Variants in ZNF724 observed in about 807,000 individuals in gnomAD.
ZNF724 encodes zinc finger protein 724.
Under a neutral mutation model 29.3 loss-of-function variants are expected in ZNF724, and 14 were observed. The ratio of observed to expected loss-of-function variants is 0.48; its 90% CI spans 0.32 to 0.75. The LOEUF (loss-of-function observed/expected upper bound fraction) is 0.75. Among genes scored for constraint, ZNF724 ranks in the 30% least tolerant of loss-of-function variants. ZNF724 has a pLI of 0.04. For synonymous variants in ZNF724, 180 were observed against 193.6 expected (o/e 0.93, Z 0.58); for missense variants, 557 against 571.2 (o/e 0.98, Z 0.25).
At chr19:23,231,115 T>A in intron 3 of ZNF724, 151 bp downstream of exon 3, 1 of 559,902 alleles carries the variant, frequency 1.8e-6, no homozygotes, top group South Asian at 3.0e-5. Context: ...ACACCCGACC[T>A]TAGGTCATCT....
At chr19:23,246,876 C>A (rs1972246322) in intron 1 of ZNF724, among the ~76,000 whole-genome samples, 1 of 152,112 alleles carries the variant, frequency 6.6e-6, no homozygotes. Flanking sequence ...TCCTTGATAG[C>A]TCTCTAAAAG....
chr19:23,232,256 G>A lies in ZNF724; in HGVS notation c.41C>T (p.Ser14Phe). Residue 14 changes from serine to phenylalanine, a missense_variant, in exon 2 of 4, where the codon TCT becomes TTT. Ser to Phe is a radical substitution (Grantham distance 155). Transcript: ENST00000418100. ...GTCCAGGCATTGCCACTCCTCCACA[G>A]AGAATTCTATGGCCACATCCATAAA... ...LTFMDVAIEFSVEEWQCLDTA... is the reference protein window; with the variant it reads ...LTFMDVAIEFFVEEWQCLDTA... The A allele has an allele frequency of 7.8e-7, 1 of 1,278,138 alleles. No individual in the cohort carries two copies. Among genetic ancestry groups the A allele is most frequent in the Non-Finnish European group, 1.1e-6 (1 of 874,122 alleles). The allele number at this position is 1,278,138 out of a possible 1,614,324, so 79.2% of individuals were successfully genotyped here.
chr19:23,233,591 G>A (rs1971975493), intron 1 of ZNF724, among the ~76,000 whole-genome samples: 1 of 151,776 alleles, frequency 6.6e-6, no homozygotes, highest in Admixed American at 6.6e-5. Flanking sequence ...CATATAAAAA[G>A]CCAAAATGTA....
At chr19:23,230,301 CAA>C (rs1197842383) in intron 3 of ZNF724, among the ~76,000 whole-genome samples, 2 of 151,830 alleles carry the variant, frequency 1.3e-5, no homozygotes, top group African/African-American at 2.4e-5. Flanking sequence ...CCATATTATC[CAA>C]AGTGATCTAC....
In ZNF724 at chr19:23,222,051, T is replaced by A. The variant is rs1971724929; in HGVS notation, c.*334A>T. On this transcript the variant is annotated 3_prime_UTR_variant, in exon 4 of 4. Transcript: ENST00000418100. ...AGATATTAATGGCTTCTTCACATTC[T>A]TTACATTTGCATAATTTTTCTCAAG... 8.0e-6 allele frequency: 2 copies of A among 248,624 alleles called. No individual in the cohort carries two copies. The highest frequency in any genetic ancestry group is 4.5e-5 in the African/African-American group (2 of 44,466). 15.4% of individuals were successfully genotyped at this position (248,624 alleles called of 1,614,324 possible). A position where few individuals can be genotyped will look rare whatever the true frequency, so the allele number is the denominator to read the frequency against.
intron 1 of ZNF724, among the ~76,000 whole-genome samples, chr19:23,242,991 A>G (rs1447136578): frequency 6.8e-6 from 1 of 147,656 alleles, no homozygotes; most frequent in Non-Finnish European, 1.5e-5. Flanking sequence ...GTGAGCCAAG[A>G]TCGTGCCATT....
rs577883412 is a variant in ZNF724 at position 23,223,348 on chromosome 19, T to G, written c.897A>C (p.Arg299Ser). The change falls in exon 4 of 4, where the codon AGA becomes AGC. Residue 299 changes from arginine (R) to serine (S), a missense_variant. By Grantham distance (110) the Arg-to-Ser change is moderately radical. This residue lies in a region of ZNF724 where 362 missense variants were observed against 295.5 expected (regional missense o/e 1.22). Coordinates refer to ENST00000418100, the MANE Select transcript of ZNF724 (RefSeq NM_001355404.2). ...TCTCTCCAGCATGAATTATCTTATG[T>G]CTAGTAAGGGTTGATGATTGGTTAA... ...KAFNQSSTLT[R>S]HKIIHAGEKP... 1.3e-6 allele frequency: 1 copy of G among 769,452 alleles called. No homozygotes were observed. The highest frequency in any genetic ancestry group is 2.4e-6 in the Non-Finnish European group (1 of 413,498). The allele number at this position is 769,452 out of a possible 1,614,324, so 47.7% of individuals were successfully genotyped here.
chr19:23,231,984 G>A (rs546674098), intron 2 of ZNF724, among the ~76,000 whole-genome samples, 183 bp downstream of exon 2: 5 of 152,026 alleles, frequency 3.3e-5, no homozygotes, highest in East Asian at 3.9e-4. Context: ...TGATCCACCC[G>A]CCTTGGCCAC....
intron 3 of ZNF724, among the ~76,000 whole-genome samples, chr19:23,224,762 C>G (rs1457668200): frequency 1.3e-5 from 2 of 152,050 alleles, no homozygotes. Flanking sequence ...TGGAACCACC[C>G]CGGCCAATAT....
chr19:23,246,216 G>A (rs1180430227), intron 1 of ZNF724, among the ~76,000 whole-genome samples: 1 of 152,122 alleles, frequency 6.6e-6, no homozygotes, highest in Non-Finnish European at 1.5e-5. Flanking sequence ...AATTTAAGGT[G>A]CTTAAGTTTT....
At chr19:23,244,397 T>C (rs537370200) in intron 1 of ZNF724, among the ~76,000 whole-genome samples, 79 of 152,264 alleles carry the variant, frequency 5.2e-4, no homozygotes, top group African/African-American at 1.9e-3. Context: ...GTGGGCATGA[T>C]TGTGAGTCGG....
intron 3 of ZNF724, among the ~76,000 whole-genome samples, chr19:23,226,081 T>A (rs1407016457): frequency 1.4e-5 from 2 of 139,558 alleles, no homozygotes; most frequent in Non-Finnish European, 1.5e-5. Flanking sequence ...AGATGGAGTC[T>A]CGCTCTGTCC....
chr19:23,241,697 G>T (rs1157590691), intron 1 of ZNF724, among the ~76,000 whole-genome samples: 3 of 152,142 alleles, frequency 2.0e-5, no homozygotes, highest in African/African-American at 7.2e-5. Context: ...CATTGTTCAT[G>T]CATAAAACCC....
chr19:23,223,739 G>A lies in ZNF724; in HGVS notation c.506C>T (p.Pro169Leu), dbSNP rs1341448102. 1 of 735,620 alleles carries A rather than the reference G, an allele frequency of 1.4e-6. No individual in the cohort carries two copies. The highest frequency in any genetic ancestry group is 2.0e-5 in the Admixed American group (1 of 51,236). 45.6% of individuals were successfully genotyped at this position (735,620 alleles called of 1,614,324 possible). A position where few individuals can be genotyped will look rare whatever the true frequency, so the allele number is the denominator to read the frequency against. ...CTTGCCACATTCTTTACATTTGAAA[G>A]GATTCTTTTCAGTCTTATGTCTATT... ...NSNRHKTEKN[P>L]FKCKECGKSF... The change falls in exon 4 of 4, where the codon CCT (proline) becomes CTT (leucine). Residue 169 changes from proline (P) to leucine (L), a missense_variant. Around this residue, in one of 3 missense-constraint regions of ZNF724, gnomAD observed 362 missense variants for 295.5 expected, o/e 1.22. Transcript: ENST00000418100.
intron 1 of ZNF724, among the ~76,000 whole-genome samples, chr19:23,238,235 G>C (rs1972055672): frequency 1.3e-5 from 2 of 152,112 alleles, no homozygotes; most frequent in South Asian, 4.1e-4. Flanking sequence ...TGTGGTGGTG[G>C]GCGCCTGTAG....
At chr19:23,226,245 G>T (rs1297767074) in intron 3 of ZNF724, among the ~76,000 whole-genome samples, 1 of 151,958 alleles carries the variant, frequency 6.6e-6, no homozygotes, top group Non-Finnish European at 1.5e-5. Context: ...TAGAGACAAG[G>T]TTTCACTGTG....
intron 2 of ZNF724, 85 bp from the exon 3 acceptor site, chr19:23,231,446 A>G: frequency 3.2e-6 from 3 of 938,684 alleles, no homozygotes; most frequent in Non-Finnish European, 4.7e-6. Flanking sequence ...TTAATAGAAT[A>G]CTAAATTAAT....
In ZNF724 at chr19:23,222,577, A is replaced by G. The variant is rs763745430; in HGVS notation, c.1668T>C (p.His556=). 7.2e-7 allele frequency: 1 copy of G among 1,385,636 alleles called. No homozygotes were observed. Among genetic ancestry groups the G allele is most frequent in the Non-Finnish European group, 1.0e-6 (1 of 973,692 alleles). The allele number at this position is 1,385,636 out of a possible 1,614,324, so 85.8% of individuals were successfully genotyped here. ...YSNLTQHKII[H]TGEKPYKCEE... ...CACATTTGTAGGGTTTCTCTCCAGTATGAATTATCTTATGTTGAGTAAGGT... is the reference window on the plus strand; with the variant it reads ...CACATTTGTAGGGTTTCTCTCCAGTGTGAATTATCTTATGTTGAGTAAGGT... Residue 556 remains histidine (H), a synonymous_variant, in exon 4 of 4, where the codon CAT becomes CAC. Coordinates refer to ENST00000418100, the MANE Select transcript of ZNF724 (RefSeq NM_001355404.2).
chr19:23,243,686 G>A (rs1201108770), intron 1 of ZNF724, among the ~76,000 whole-genome samples: 1 of 151,568 alleles, frequency 6.6e-6, no homozygotes, highest in East Asian at 2.0e-4. Flanking sequence ...ACTTTTGGAG[G>A]CTGAGTTGGG....
Sources: gnomAD v4.1 joint callset for allele counts (sites outside exome capture counted in the v4.1 genomes callset) on GRCh38, gnomAD v4.1.1 for gene constraint, gnomAD v4.1.1 regional missense constraint, MANE v1.5 for transcripts, NCBI Gene and HGNC (gene_info 2026-07-23, HGNC 2026-07-21) for gene names.